The following PIWIL2 variants were observed in gnomAD, a reference collection of about 807,000 sequenced individuals.
The protein encoded by PIWIL2 is piwi like RNA-mediated gene silencing 2.
A neutral mutation model predicts 116.5 loss-of-function variants in PIWIL2; 81 were observed. That is an observed-to-expected ratio of 0.70 (90% CI 0.58 to 0.84). The LOEUF (loss-of-function observed/expected upper bound fraction) is 0.84, where lower values mean the gene tolerates loss of function less well. Among genes scored for constraint, PIWIL2 ranks in the 40% least tolerant of loss-of-function variants. The probability of loss-of-function intolerance (pLI) is 0.00; values close to 1 mark genes in which losing one functional copy is unlikely to be tolerated. For synonymous variants in PIWIL2, 489 were observed against 429.5 expected (o/e 1.14, Z -1.71); for missense variants, 1,272 against 1,212.3 (o/e 1.05, Z -0.73).
chr8:22,345,430 G>A (rs755170854), intron 20 of PIWIL2, among the ~76,000 whole-genome samples: 204 of 152,144 alleles, frequency 1.3e-3, no homozygotes, highest in Non-Finnish European at 2.1e-3. Context: ...GGAGGCTGAG[G>A]CGGGCGGATC....
intron 20 of PIWIL2, among the ~76,000 whole-genome samples, chr8:22,325,162 A>G (rs901380727): frequency 1.4e-4 from 22 of 152,340 alleles, no homozygotes; most frequent in Non-Finnish European, 2.5e-4. Flanking sequence ...GTTGTACCAC[A>G]TCCTGCCCCC....
At chr8:22,296,667 A>C (rs572086828) in intron 10 of PIWIL2, among the ~76,000 whole-genome samples, 2 of 152,224 alleles carry the variant, frequency 1.3e-5, no homozygotes, top group African/African-American at 2.4e-5. Context: ...TTAATTTCTG[A>C]TTCCAGAATC....
chr8:22,315,271 C>T, intron 18 of PIWIL2, 126 bp downstream of exon 18: 1 of 617,734 alleles, frequency 1.6e-6, no homozygotes, highest in African/African-American at 1.8e-5. Flanking sequence ...GGCTCCCTGC[C>T]TCTTCAGCCC....
At chr8:22,327,024 CTTTTT>C (rs71544876) in intron 20 of PIWIL2, among the ~76,000 whole-genome samples, 1 of 105,426 alleles carries the variant, frequency 9.5e-6, no homozygotes, top group South Asian at 3.2e-4. Flanking sequence ...TGTTTTTTTA[CTTTTT>C]TTTTTTTTTT....
chr8:22,319,479 C>G (rs1366110240), intron 20 of PIWIL2, among the ~76,000 whole-genome samples: 1 of 152,176 alleles, frequency 6.6e-6, no homozygotes, highest in East Asian at 1.9e-4. Flanking sequence ...CATTCTTAAG[C>G]TGCCTTATAT....
At chr8:22,336,529 A>C (rs903497423) in intron 20 of PIWIL2, among the ~76,000 whole-genome samples, 1 of 152,142 alleles carries the variant, frequency 6.6e-6, no homozygotes, top group African/African-American at 2.4e-5. Context: ...AATAAGAAGA[A>C]TCTAAAAACA....
chr8:22,315,059 A>G lies in PIWIL2; in HGVS notation c.2122A>G (p.Thr708Ala), dbSNP rs1323001370. The G allele has an allele frequency of 1.2e-6, 2 of 1,613,628 alleles. No homozygotes were observed. Among genetic ancestry groups the G allele is most frequent in the African/African-American group, 1.3e-5 (1 of 74,908 alleles). The change falls in exon 18 of 23, where the codon ACC (threonine) becomes GCC (alanine). Residue 708 changes from threonine to alanine, a missense_variant. Coordinates refer to ENST00000356766, the MANE Select transcript of PIWIL2 (RefSeq NM_018068.5). ...VVNVRTIGQP[T>A]RLRSVAQKIL... ...CAATGTTCGAACCATTGGTCAGCCC[A>G]CCAGGCTTCGGAGTGTGGCCCAGAA...
intron 22 of PIWIL2, among the ~76,000 whole-genome samples, chr8:22,354,653 T>A (rs1278171293): frequency 6.6e-6 from 1 of 152,210 alleles, no homozygotes; most frequent in African/African-American, 2.4e-5. Context: ...GATTATGACA[T>A]ACAGCCAGAC....
Position 22,290,343 on chromosome 8 carries a change from T to C in PIWIL2, c.1178T>C (p.Val393Ala), listed in dbSNP as rs768018319. The C allele has an allele frequency of 3.8e-6, 6 of 1,570,372 alleles. No homozygotes were observed. The South Asian group carries it at 6.7e-5, about 18-fold the overall frequency. Residue 393 changes from valine (V) to alanine (A), a missense_variant, in exon 10 of 23, where the codon GTC becomes GCC. Physicochemically the swap from Val to Ala is moderately conservative, Grantham distance 64 (BLOSUM62 0). Coordinates refer to ENST00000356766, the MANE Select transcript of PIWIL2 (RefSeq NM_018068.5). ...KVIRNDCVLD[V>A]MHAIYQQNKE... ...ATTCGGAATGACTGTGTGCTGGATGTCATGTGAGTGAATGGTGGGGTCTAT... is the reference window on the plus strand; with the variant it reads ...ATTCGGAATGACTGTGTGCTGGATGCCATGTGAGTGAATGGTGGGGTCTAT...
Position 22,305,999 on chromosome 8 carries a change from G to A in PIWIL2, c.1528G>A (p.Asp510Asn), listed in dbSNP as rs1321780320. 10 of 1,613,450 alleles carry A rather than the reference G, an allele frequency of 6.2e-6. No homozygotes were observed. In the South Asian group the frequency reaches 9.9e-5, roughly 16 times the overall value. Residue 510 changes from aspartate to asparagine, a missense_variant, in exon 13 of 23, where the codon GAC becomes AAC. Physicochemically the swap from Asp to Asn is conservative, Grantham distance 23. Transcript: ENST00000356766. Reference sequence around the variant, plus strand: ...CGGAATCCCAGAGAAGATGAAGAAGGACTTCAGAGCCATGAAGGTTGGAGT... The same window carrying A: ...CGGAATCCCAGAGAAGATGAAGAAGAACTTCAGAGCCATGAAGGTTGGAGT... ...MTGIPEKMKK[D>N]FRAMKDLAQQ...
At chr8:22,322,376 A>G (rs140101584) in intron 20 of PIWIL2, among the ~76,000 whole-genome samples, 20 of 151,906 alleles carry the variant, frequency 1.3e-4, no homozygotes, top group African/African-American at 4.6e-4. Context: ...TCAGCCTCCC[A>G]AGTAGCTGGG....
intron 20 of PIWIL2, among the ~76,000 whole-genome samples, chr8:22,348,077 C>T (rs752982823): frequency 5.3e-5 from 8 of 151,966 alleles, no homozygotes; most frequent in Non-Finnish European, 1.0e-4. Flanking sequence ...CAGTGAGGCA[C>T]ATCACTTGAG....
rs780270573 is a variant in PIWIL2, at chr8:22,304,797, A to G, written c.1384A>G (p.Ile462Val). ...ACTCTGCTCTAGCAAAAATTATGGG[A>G]TCACAGTTAAGGAAGAGGACCAGCC... ...FLEYYSKNYGITVKEEDQPLL... is the reference protein window; with the variant it reads ...FLEYYSKNYGVTVKEEDQPLL... Residue 462 changes from isoleucine to valine, a missense_variant, in exon 12 of 23, where the codon ATC becomes GTC. Ile to Val is a conservative substitution (Grantham distance 29). Transcript: ENST00000356766. The G allele has an allele frequency of 6.2e-7, 1 of 1,612,872 alleles. No individual in the cohort carries two copies. The highest frequency in any genetic ancestry group is 2.2e-5 in the East Asian group (1 of 44,878).
intron 4 of PIWIL2, among the ~76,000 whole-genome samples, chr8:22,282,244 CTTTTTTTTTTTTTTTT>C (rs34130038): frequency 6.0e-5 from 2 of 33,572 alleles, no homozygotes; most frequent in African/African-American, 1.1e-4. Flanking sequence ...CCACACCCGG[CTTTTTTTTTTTTTTTT>C]TTTTTTTTTT....
In PIWIL2 at chr8:22,315,867, C is replaced by T. The variant is rs1238799325; in HGVS notation, c.2209-378C>T. ...TTTTAGATTTCTGGGGGTTTGGGTT[C>T]ATTTGCTTGCATCCCAAATTCAAAA... On this transcript the variant is annotated intron_variant, in intron 18 of 22. Transcript: ENST00000356766. Among the ~76,000 whole-genome samples, 6 of 152,112 alleles carry T rather than the reference C, an allele frequency of 3.9e-5. No individual in the cohort carries two copies. In the East Asian group the frequency reaches 1.2e-3, roughly 29 times the overall value.
chr8:22,325,027 T>C (rs1831690109), intron 20 of PIWIL2, among the ~76,000 whole-genome samples: 1 of 152,180 alleles, frequency 6.6e-6, no homozygotes, highest in South Asian at 2.1e-4. Context: ...GCTTGTTTTG[T>C]ATGACAGCCG....
At chr8:22,322,614 TTGTCC>T (rs887431753) in intron 20 of PIWIL2, among the ~76,000 whole-genome samples, 6 of 151,084 alleles carry the variant, frequency 4.0e-5, no homozygotes, top group Non-Finnish European at 5.9e-5. Flanking sequence ...CCATCCCATC[TTGTCC>T]TGTCCTGTCC....
intron 14 of PIWIL2, 96 bp downstream of exon 14, chr8:22,308,169 T>C: frequency 9.5e-7 from 1 of 1,057,988 alleles, no homozygotes; most frequent in South Asian, 2.2e-5. Flanking sequence ...TTTTGAATGT[T>C]TGTCCATGTC....
intron 8 of PIWIL2, 71 bp downstream of exon 8, chr8:22,288,737 A>AC: frequency 7.4e-7 from 1 of 1,349,628 alleles, no homozygotes; most frequent in African/African-American, 1.4e-5. Context: ...TCTTCAAGAT[A>AC]CTTGGATGGA....
Sources: allele counts gnomAD v4.1 joint callset (sites outside exome capture counted in the v4.1 genomes callset), GRCh38; gene constraint gnomAD v4.1.1; transcripts MANE v1.5; gene names NCBI Gene and HGNC (gene_info 2026-07-23, HGNC 2026-07-21).